TAPT1: variants seen among roughly 807,000 people sequenced by gnomAD.
TAPT1 encodes the protein transmembrane anterior posterior transformation protein 1 homolog.
In TAPT1, 28 loss-of-function variants were observed where a neutral mutation model predicts 65.6. The ratio of observed to expected loss-of-function variants is 0.43; its 90% CI spans 0.32 to 0.59. The LOEUF (loss-of-function observed/expected upper bound fraction) is 0.59, where lower values mean the gene tolerates loss of function less well. Ranked by LOEUF, TAPT1 falls within the 20% of genes least tolerant of loss-of-function variation. The pLI is 0.09. For synonymous variants in TAPT1, 278 were observed against 245.2 expected, an observed-to-expected ratio of 1.13 and a Z score of -1.25; for missense variants, 563 against 679.9, an observed-to-expected ratio of 0.83 and a Z score of 1.91.
At chr4:16,223,208 C>T (rs1751355396) in intron 1 of TAPT1, among the ~76,000 whole-genome samples, 2 of 152,284 alleles carry the variant, frequency 1.3e-5, no homozygotes, top group Admixed American at 1.3e-4. Context: ...CACAGATTTC[C>T]TAATGCTTAG....
intron 2 of TAPT1, among the ~76,000 whole-genome samples, chr4:16,209,195 ATC>A (rs926622203): frequency 4.0e-5 from 6 of 151,590 alleles, no homozygotes; most frequent in Non-Finnish European, 5.9e-5. Context: ...ATACGACAAA[ATC>A]TCTCTCTTTT....
chr4:16,221,134 GAC>G (rs1037687253), intron 1 of TAPT1, among the ~76,000 whole-genome samples: 4 of 150,208 alleles, frequency 2.7e-5, no homozygotes, highest in Middle Eastern at 3.2e-3. Flanking sequence ...TTTTTTTGGA[GAC>G]ACAGTCTTGC....
In TAPT1 at chr4:16,166,843, C is replaced by A. The variant is rs1280119503; in HGVS notation, c.1314-50G>T. 5 of 1,577,490 alleles carry A rather than the reference C, an allele frequency of 3.2e-6. No individual in the cohort carries two copies. In the Admixed American group the frequency reaches 6.7e-5, roughly 21 times the overall value. On this transcript the variant is annotated intron_variant, in intron 12 of 13. Coordinates refer to ENST00000405303, the MANE Select transcript of TAPT1 (RefSeq NM_153365.3). The stretch of plus-strand genomic sequence containing the variant: ...ACATCCGTTGGAATTCATCTAAATC[C>A]CTGTGAATGCCATCTACTACCATGG...
At chr4:16,224,796 G>GTAA (rs1164835093) in intron 1 of TAPT1, among the ~76,000 whole-genome samples, 1 of 152,228 alleles carries the variant, frequency 6.6e-6, no homozygotes, top group Non-Finnish European at 1.5e-5. Context: ...GGGAAGAAGT[G>GTAA]TTAAGTGATA....
At chr4:16,220,423 A>C (rs10007592) in intron 1 of TAPT1, among the ~76,000 whole-genome samples, 12,317 of 152,248 alleles carry the variant, frequency 0.081, 1,558 homozygotes, top group African/African-American at 0.27. Flanking sequence ...TCAGTTTTTA[A>C]GATGTCAATT....
At chr4:16,198,769 G>C (rs1749866489) in intron 3 of TAPT1, among the ~76,000 whole-genome samples, 2 of 152,056 alleles carry the variant, frequency 1.3e-5, no homozygotes, top group Non-Finnish European at 2.9e-5. Flanking sequence ...GCTATCAGAA[G>C]GCAAAATCTG....
chr4:16,168,405 T>C (rs536923447), intron 12 of TAPT1, among the ~76,000 whole-genome samples: 23 of 152,286 alleles, frequency 1.5e-4, no homozygotes, highest in African/African-American at 5.1e-4. Flanking sequence ...CACCATGCCA[T>C]CTTCTGCTCA....
intron 7 of TAPT1, among the ~76,000 whole-genome samples, chr4:16,180,167 G>A (rs1748629411): frequency 6.6e-6 from 1 of 152,116 alleles, no homozygotes; most frequent in East Asian, 1.9e-4. Flanking sequence ...CATTTCCGGG[G>A]GTGTATGTAG....
intron 1 of TAPT1, among the ~76,000 whole-genome samples, chr4:16,221,683 A>T (rs764683484): frequency 1.1e-4 from 16 of 152,250 alleles, no homozygotes; most frequent in Non-Finnish European, 1.9e-4. Context: ...TTCTTAAAAT[A>T]GCATTGAGCA....
chr4:16,177,464 G>A (rs1441732519), intron 8 of TAPT1, among the ~76,000 whole-genome samples: 1 of 152,146 alleles, frequency 6.6e-6, no homozygotes, highest in Admixed American at 6.5e-5. Context: ...TGACACAGCT[G>A]GGCTATCCCG....
intron 3 of TAPT1, among the ~76,000 whole-genome samples, chr4:16,195,193 C>T (rs1749628674): frequency 6.6e-6 from 1 of 152,206 alleles, no homozygotes; most frequent in Non-Finnish European, 1.5e-5. Context: ...GTTAAAACAA[C>T]TTGAACCAAT....
chr4:16,213,975 T>C (rs1750788756), intron 1 of TAPT1, 77 bp from the exon 2 acceptor site: 2 of 1,264,680 alleles, frequency 1.6e-6, no homozygotes, highest in Admixed American at 2.7e-5. Flanking sequence ...GGGCCACAGG[T>C]AATATACATA....
chr4:16,202,148 G>A (rs1750070620), intron 3 of TAPT1, among the ~76,000 whole-genome samples: 1 of 152,130 alleles, frequency 6.6e-6, no homozygotes, highest in Admixed American at 6.5e-5. Flanking sequence ...GGTGAGTTAA[G>A]AACGTGATAA....
chr4:16,172,101 C>T (rs1226854635), intron 11 of TAPT1, among the ~76,000 whole-genome samples: 2 of 152,116 alleles, frequency 1.3e-5, no homozygotes, highest in East Asian at 3.8e-4. Flanking sequence ...CTCTGCCTAA[C>T]TATATGACCC....
At chr4:16,194,863 T>TGATTTCCCTCCTCCTCCTCCTCCTC (rs1749597838) in intron 3 of TAPT1, among the ~76,000 whole-genome samples, 1 of 17,546 alleles carries the variant, frequency 5.7e-5, no homozygotes, top group African/African-American at 1.5e-4. Flanking sequence ...ATTTCTGTCT[T>TGATTTCCCTCCTCCTCCTCCTCCTC]CTTCTTCTTC....
chr4:16,167,142 C>T (rs927956300), intron 12 of TAPT1, among the ~76,000 whole-genome samples: 11 of 151,768 alleles, frequency 7.2e-5, no homozygotes, highest in African/African-American at 1.5e-4. Flanking sequence ...TACAGGCATC[C>T]GCCACCACCC....
intron 13 of TAPT1, among the ~76,000 whole-genome samples, chr4:16,166,137 G>A (rs141458459): frequency 1.7e-3 from 253 of 152,260 alleles, no homozygotes; most frequent in Middle Eastern, 0.01. Context: ...TGCTGGGCCT[G>A]CCGGGCCTCT....
chr4:16,169,285 C>T (rs1480344738), intron 12 of TAPT1, among the ~76,000 whole-genome samples: 3 of 152,160 alleles, frequency 2.0e-5, no homozygotes, highest in African/African-American at 7.2e-5. Context: ...TATGCACAGG[C>T]AAGTGTAACT....
intron 10 of TAPT1, 116 bp downstream of exon 10, chr4:16,174,546 GAGATCAGT>G: frequency 1.2e-6 from 1 of 824,976 alleles, no homozygotes; most frequent in Non-Finnish European, 1.9e-6. Context: ...GTTGAGAATA[GAGATCAGT>G]AGGCAGTTTA....
Sources: allele counts gnomAD v4.1 joint callset (sites outside exome capture counted in the v4.1 genomes callset), GRCh38; gene constraint gnomAD v4.1.1; transcripts MANE v1.5; gene names NCBI Gene and HGNC (gene_info 2026-07-23, HGNC 2026-07-21).